The following SND1 variants were observed in gnomAD, a reference collection of about 807,000 sequenced individuals.
SND1 encodes staphylococcal nuclease domain-containing protein 1.
In SND1, 38 loss-of-function variants were observed where a neutral mutation model predicts 121.7. That is an observed-to-expected ratio of 0.31 (90% CI 0.24 to 0.41). SND1 has a LOEUF of 0.41. Among genes scored for constraint, SND1 ranks in the 10% least tolerant of loss-of-function variants. The probability of loss-of-function intolerance (pLI) is 1.00; values close to 1 mark genes in which losing one functional copy is unlikely to be tolerated. For missense variants in SND1, 868 were observed against 1,184.6 expected, an observed-to-expected ratio of 0.73 and a Z score of 3.92; for synonymous variants, 401 against 447.4, an observed-to-expected ratio of 0.90 and a Z score of 1.31.
Position 128,084,866 on chromosome 7 carries a change from C to A in SND1, c.2234+19C>A. The A allele has an allele frequency of 6.3e-7, 1 of 1,583,588 alleles. No homozygotes were observed. Among genetic ancestry groups the A allele is most frequent in the East Asian group, 2.3e-5 (1 of 43,546 alleles). ...GAGAATGGTAAGCCACTTGGAAAAG[C>A]AAGGCAGAGTCTTGAGCAGGAACGA... On this transcript the variant is annotated intron_variant, in intron 19 of 23. Coordinates refer to ENST00000354725, the MANE Select transcript of SND1 (RefSeq NM_014390.4).
At chr7:127,747,141 G>A (rs1240274369) in intron 10 of SND1, among the ~76,000 whole-genome samples, 6 of 152,154 alleles carry the variant, frequency 3.9e-5, no homozygotes, top group Admixed American at 3.9e-4. Flanking sequence ...TAGAAATGAA[G>A]GAAAAATGTG....
At chr7:127,916,034 T>TGTG in intron 14 of SND1, among the ~76,000 whole-genome samples, 1 of 121,730 alleles carries the variant, frequency 8.2e-6, no homozygotes, top group Non-Finnish European at 1.8e-5. Context: ...GTGTGTGTGT[T>TGTG]TATGTGTGTA....
At chr7:127,814,784 C>T (rs1226237817) in intron 11 of SND1, among the ~76,000 whole-genome samples, 1 of 152,036 alleles carries the variant, frequency 6.6e-6, no homozygotes, top group Non-Finnish European at 1.5e-5. Context: ...ATATTTCTTT[C>T]CCAAGGGTAT....
intron 7 of SND1, among the ~76,000 whole-genome samples, chr7:127,703,914 A>G (rs528101570): frequency 6.6e-6 from 1 of 152,330 alleles, no homozygotes; most frequent in Non-Finnish European, 1.5e-5. Context: ...ATTCATTAGA[A>G]GTAGAACTGA....
chr7:127,725,793 TAGG>T (rs1185427250), intron 10 of SND1, among the ~76,000 whole-genome samples: 1 of 150,776 alleles, frequency 6.6e-6, no homozygotes, highest in Non-Finnish European at 1.5e-5. Flanking sequence ...ACTAGATGAG[TAGG>T]AGAAGAGGGA....
rs1035357946 is a variant in SND1 at position 127,792,643 on chromosome 7, A to G, written c.1153-14841A>G. On this transcript the variant is annotated intron_variant, in intron 10 of 23. Coordinates refer to ENST00000354725, the MANE Select transcript of SND1 (RefSeq NM_014390.4). ...GAGGGAGACCATGTGAAGCTGGGAC[A>G]TAGACTGCTGTTAACTGATGCTTGT... 3.9e-5 allele frequency among the ~76,000 whole-genome samples: 6 copies of G among 152,220 alleles called. No homozygotes were observed. In the East Asian group the frequency reaches 7.7e-4, roughly 20 times the overall value.
chr7:127,924,270 G>A (rs942542180), intron 14 of SND1, among the ~76,000 whole-genome samples: 1 of 152,150 alleles, frequency 6.6e-6, no homozygotes, highest in African/African-American at 2.4e-5. Flanking sequence ...AGTTCTGCAT[G>A]TATTTGTTTG....
At chr7:127,705,497 T>G (rs964038226) in intron 8 of SND1, among the ~76,000 whole-genome samples, 1 of 152,154 alleles carries the variant, frequency 6.6e-6, no homozygotes, top group Non-Finnish European at 1.5e-5. Context: ...AAAGCAGATA[T>G]AGGAATAACT....
At chr7:128,053,941 C>A (rs1461493231) in intron 16 of SND1, among the ~76,000 whole-genome samples, 1 of 152,184 alleles carries the variant, frequency 6.6e-6, no homozygotes, top group Non-Finnish European at 1.5e-5. Context: ...ACACTGGAGC[C>A]GCTCTGCAAT....
chr7:127,696,514 T>A (rs1796009433), intron 3 of SND1, among the ~76,000 whole-genome samples: 1 of 152,226 alleles, frequency 6.6e-6, no homozygotes, highest in South Asian at 2.1e-4. Context: ...GGAAAAGAAG[T>A]GTACTATCTT....
chr7:127,938,097 T>C (rs1024288241), intron 15 of SND1, among the ~76,000 whole-genome samples: 2 of 152,228 alleles, frequency 1.3e-5, no homozygotes, highest in East Asian at 3.8e-4. Flanking sequence ...CTACTTTCTG[T>C]TGGGTCCCAT....
intron 16 of SND1, among the ~76,000 whole-genome samples, chr7:127,991,405 G>C (rs765919250): frequency 1.3e-5 from 2 of 151,862 alleles, no homozygotes; most frequent in Non-Finnish European, 2.9e-5. Flanking sequence ...ACCCTGTCAG[G>C]GGCCAATTTT....
intron 1 of SND1, among the ~76,000 whole-genome samples, chr7:127,669,309 G>T (rs1179581718): frequency 6.6e-6 from 1 of 152,092 alleles, no homozygotes; most frequent in African/African-American, 2.4e-5. Context: ...CCTTTTTACA[G>T]TATATCAAAT....
chr7:128,069,152 G>A (rs1057023406), intron 16 of SND1, among the ~76,000 whole-genome samples: 2 of 152,146 alleles, frequency 1.3e-5, no homozygotes, highest in African/African-American at 2.4e-5. Context: ...ACCTTCACTC[G>A]GTATTTCATG....
chr7:127,833,793 A>G (rs1798811037), intron 11 of SND1, among the ~76,000 whole-genome samples: 2 of 152,228 alleles, frequency 1.3e-5, no homozygotes. Flanking sequence ...ATTGTTGTGC[A>G]ACCATCACTG....
At chr7:128,001,743 C>G (rs1409583095) in intron 16 of SND1, among the ~76,000 whole-genome samples, 1 of 152,146 alleles carries the variant, frequency 6.6e-6, no homozygotes, top group Non-Finnish European at 1.5e-5. Context: ...ACCAACCTGA[C>G]CAACATGGAG....
intron 1 of SND1, among the ~76,000 whole-genome samples, chr7:127,675,814 C>A (rs963869289): frequency 2.0e-5 from 3 of 152,218 alleles, no homozygotes; most frequent in Non-Finnish European, 4.4e-5. Flanking sequence ...TTAAATGACA[C>A]TTCACATTTG....
At chr7:127,832,922 C>G (rs994226900) in intron 11 of SND1, among the ~76,000 whole-genome samples, 1 of 152,174 alleles carries the variant, frequency 6.6e-6, no homozygotes, top group Non-Finnish European at 1.5e-5. Flanking sequence ...GTCTCATGCT[C>G]TTTATGAGAA....
chr7:127,869,006 C>T lies in SND1; in HGVS notation c.1344-18896C>T, dbSNP rs60527626. ...GCACTTTCGTTCCAATGGGGGCAAT[C>T]AGATAAAGAAGCAGTAAAGATATAT... On this transcript the variant is annotated intron_variant, in intron 12 of 23. Transcript: ENST00000354725. Among the ~76,000 whole-genome samples the T allele has an allele frequency of 4.3e-3, 648 of 152,058 alleles. 2 individuals carry two copies. Among genetic ancestry groups the T allele is most frequent in the African/African-American group, 0.014 (578 of 41,424 alleles).
Sources: allele counts gnomAD v4.1 joint callset (sites outside exome capture counted in the v4.1 genomes callset), GRCh38; gene constraint gnomAD v4.1.1; transcripts MANE v1.5; gene names NCBI Gene and HGNC (gene_info 2026-07-23, HGNC 2026-07-21).